DEPDC1B: variants seen among roughly 807,000 people sequenced by gnomAD.
The protein encoded by DEPDC1B is DEP domain-containing protein 1B.
In DEPDC1B, 51 loss-of-function variants were observed where a neutral mutation model predicts 66.5. That is an observed-to-expected ratio of 0.77 (90% confidence interval 0.61 to 0.97). The LOEUF is 0.97. Among genes scored for constraint, DEPDC1B ranks in the 50% least tolerant of loss-of-function variants. The probability of loss-of-function intolerance (pLI) is 0.00; values close to 1 mark genes in which losing one functional copy is unlikely to be tolerated. For synonymous variants in DEPDC1B, 226 were observed against 223.6 expected (o/e 1.01, Z -0.10); for missense variants, 552 against 637.1 (o/e 0.87, Z 1.44).
chr5:60,607,940 C>A lies in DEPDC1B; in HGVS notation c.899-2084G>T, dbSNP rs368303815. Among the ~76,000 whole-genome samples, 53 of 152,078 alleles carry A rather than the reference C, an allele frequency of 3.5e-4. 1 individual carries two copies. Among genetic ancestry groups the A allele is most frequent in the Non-Finnish European group, 1.9e-4 (13 of 68,016 alleles). On this transcript the variant is annotated intron_variant, in intron 7 of 10. Coordinates refer to ENST00000265036, the MANE Select transcript of DEPDC1B (RefSeq NM_018369.3). ...CAGGTTAGAGAGGCAGCCAAGGGGG[C>A]AGATCATGCAGAACTTTGTAGGCTA...
chr5:60,699,374 A>G (rs1754724396), intron 1 of DEPDC1B, among the ~76,000 whole-genome samples: 1 of 150,084 alleles, frequency 6.7e-6, no homozygotes, highest in African/African-American at 2.5e-5. Flanking sequence ...GACATTACCA[A>G]ACTGTCACCC....
At chr5:60,628,674 A>G (rs1238052917) in intron 7 of DEPDC1B, 3 of 152,184 alleles carry the variant, frequency 2.0e-5, no homozygotes, top group Non-Finnish European at 4.4e-5. Context: ...CACCATTGGA[A>G]ATTGTTTAAA....
At chr5:60,642,093 A>G (rs1753204014) in intron 6 of DEPDC1B, among the ~76,000 whole-genome samples, 1 of 152,196 alleles carries the variant, frequency 6.6e-6, no homozygotes, top group African/African-American at 2.4e-5. Context: ...TTACTAATTC[A>G]CGAATTTAAA....
At chr5:60,692,161 T>C in intron 1 of DEPDC1B, among the ~76,000 whole-genome samples, 1 of 152,128 alleles carries the variant, frequency 6.6e-6, no homozygotes, top group Non-Finnish European at 1.5e-5. Flanking sequence ...AAAAGCAGAA[T>C]GGTGGTAACC....
chr5:60,613,828 G>GTGTGTGTATA (rs3989094), intron 7 of DEPDC1B, among the ~76,000 whole-genome samples: 4,309 of 144,368 alleles, frequency 0.03, 103 homozygotes, highest in East Asian at 0.065. Context: ...GTGTGTGTGT[G>GTGTGTGTATA]TATACATAAA....
intron 2 of DEPDC1B, among the ~76,000 whole-genome samples, chr5:60,667,802 C>T (rs189880231): frequency 2.7e-4 from 16 of 59,358 alleles, no homozygotes; most frequent in East Asian, 1.3e-3. Context: ...GGATATTTTA[C>T]ATATATATAA....
At chr5:60,658,617 T>A (rs56191602) in intron 2 of DEPDC1B, among the ~76,000 whole-genome samples, 69,929 of 151,950 alleles carry the variant, frequency 0.46, 17,416 homozygotes, top group East Asian at 0.57. Context: ...ACTAATCAGG[T>A]AGTAAAGAGG....
chr5:60,618,956 C>T (rs1235933477), intron 7 of DEPDC1B, among the ~76,000 whole-genome samples: 3 of 152,196 alleles, frequency 2.0e-5, no homozygotes, highest in Non-Finnish European at 4.4e-5. Flanking sequence ...AAGTGGGCTT[C>T]ATCCCTGGGA....
At chr5:60,604,470 C>T (rs900777978) in intron 8 of DEPDC1B, among the ~76,000 whole-genome samples, 1 of 151,954 alleles carries the variant, frequency 6.6e-6, no homozygotes, top group Non-Finnish European at 1.5e-5. Context: ...ATCCACCTGC[C>T]TCGGCCTCCC....
intron 2 of DEPDC1B, among the ~76,000 whole-genome samples, chr5:60,670,803 T>G: frequency 6.6e-6 from 1 of 152,172 alleles, no homozygotes; most frequent in East Asian, 1.9e-4. Context: ...GTCTTGTTAC[T>G]CAAAGGGACA....
chr5:60,634,684 A>G (rs1753002489), intron 7 of DEPDC1B, among the ~76,000 whole-genome samples: 1 of 150,806 alleles, frequency 6.6e-6, no homozygotes, highest in Non-Finnish European at 1.5e-5. Flanking sequence ...AAAAATAAAT[A>G]AATAAATAAA....
intron 2 of DEPDC1B, among the ~76,000 whole-genome samples, chr5:60,674,954 C>T (rs1371854065): frequency 6.6e-6 from 1 of 152,194 alleles, no homozygotes; most frequent in Non-Finnish European, 1.5e-5. Flanking sequence ...GGTCCTAAAG[C>T]CACTGCCAGT....
intron 2 of DEPDC1B, among the ~76,000 whole-genome samples, chr5:60,673,774 A>AT (rs1249826729): frequency 2.0e-5 from 3 of 152,182 alleles, no homozygotes; most frequent in Non-Finnish European, 2.9e-5. Context: ...GATATTTATT[A>AT]TTTTGTTTCT....
intron 2 of DEPDC1B, among the ~76,000 whole-genome samples, chr5:60,681,964 A>G (rs1405162015): frequency 6.6e-6 from 1 of 152,006 alleles, no homozygotes; most frequent in Admixed American, 6.6e-5. Flanking sequence ...CCAAACAGAA[A>G]TCCTGAAAAT....
chr5:60,628,210 C>T (rs1263099088), intron 7 of DEPDC1B: 1 of 152,180 alleles, frequency 6.6e-6, no homozygotes, highest in Non-Finnish European at 1.5e-5. Context: ...TCGGTGATAC[C>T]TACCTTCGTC....
chr5:60,695,590 G>C (rs1754635885), intron 1 of DEPDC1B, among the ~76,000 whole-genome samples: 1 of 152,144 alleles, frequency 6.6e-6, no homozygotes, highest in Non-Finnish European at 1.5e-5. Flanking sequence ...ACCATATCAA[G>C]AGTCAATTAT....
At chr5:60,616,075 G>A (rs1169267916) in intron 7 of DEPDC1B, among the ~76,000 whole-genome samples, 1 of 152,200 alleles carries the variant, frequency 6.6e-6, no homozygotes, top group Non-Finnish European at 1.5e-5. Flanking sequence ...ACCTGCAGCT[G>A]AGGGTCCTAA....
chr5:60,623,984 C>T (rs945764092), intron 7 of DEPDC1B, among the ~76,000 whole-genome samples: 7 of 152,062 alleles, frequency 4.6e-5, no homozygotes, highest in African/African-American at 1.7e-4. Flanking sequence ...TCTTAAATCA[C>T]TTATTTCATT....
At chr5:60,692,759 A>T (rs1172928897) in intron 1 of DEPDC1B, among the ~76,000 whole-genome samples, 1 of 152,162 alleles carries the variant, frequency 6.6e-6, no homozygotes, top group East Asian at 1.9e-4. Context: ...GAAACAACCC[A>T]AATGTCCATC....
Sources: allele counts gnomAD v4.1 joint callset (sites outside exome capture counted in the v4.1 genomes callset), GRCh38; gene constraint gnomAD v4.1.1; transcripts MANE v1.5; gene names NCBI Gene and HGNC (gene_info 2026-07-23, HGNC 2026-07-21).